The following RASGRF1 variants were observed in gnomAD, a reference collection of about 807,000 sequenced individuals.
RASGRF1 encodes the protein ras-specific guanine nucleotide-releasing factor 1.
A neutral mutation model predicts 138.7 loss-of-function variants in RASGRF1; 40 were observed. That is an observed-to-expected ratio of 0.29 (90% CI 0.22 to 0.38). RASGRF1 has a LOEUF of 0.38. Among genes scored for constraint, RASGRF1 ranks in the 10% least tolerant of loss-of-function variants. The pLI is 1.00. For synonymous variants in RASGRF1, 614 were observed against 663.2 expected (o/e 0.93, Z 1.14); for missense variants, 1,108 against 1,650.4 (o/e 0.67, Z 5.69).
chr15:78,999,994 TAGAGCAGCCTTA>T (rs1339221515), intron 16 of RASGRF1, 81 bp from the exon 17 acceptor site: 1 of 1,472,578 alleles, frequency 6.8e-7, no homozygotes. Flanking sequence ...GTCCCGAGGC[TAGAGCAGCCTTA>T]AGAGCCAGCA....
At chr15:79,045,552 T>C (rs1426407701) in intron 5 of RASGRF1, among the ~76,000 whole-genome samples, 1 of 152,210 alleles carries the variant, frequency 6.6e-6, no homozygotes, top group Non-Finnish European at 1.5e-5. Context: ...AAAGCTATTT[T>C]CCTCCTCCTG....
At chr15:79,003,027 A>G (rs1332141624) in intron 15 of RASGRF1, among the ~76,000 whole-genome samples, 2 of 152,210 alleles carry the variant, frequency 1.3e-5, no homozygotes, top group African/African-American at 4.8e-5. Flanking sequence ...TCAGAACCAG[A>G]CCTGACACTT....
intron 1 of RASGRF1, among the ~76,000 whole-genome samples, chr15:79,087,862 G>A (rs2058003158): frequency 6.6e-6 from 1 of 152,216 alleles, no homozygotes; most frequent in Admixed American, 6.5e-5. Flanking sequence ...TTAAGTATGA[G>A]TCTTTAACAG....
chr15:78,978,999 A>G (rs994971475), intron 24 of RASGRF1: 6 of 1,292,384 alleles, frequency 4.6e-6, no homozygotes, highest in Middle Eastern at 2.2e-4. Context: ...GGGGCCCCAG[A>G]GGCAGTGGAG....
chr15:79,069,259 G>T (rs1369339120), intron 1 of RASGRF1, among the ~76,000 whole-genome samples: 1 of 152,188 alleles, frequency 6.6e-6, no homozygotes, highest in Non-Finnish European at 1.5e-5. Context: ...ATGACATCCT[G>T]ATGAGGCACC....
intron 10 of RASGRF1, 116 bp from the exon 11 acceptor site, chr15:79,020,220 G>A (rs1368788588): frequency 2.2e-6 from 2 of 890,890 alleles, no homozygotes; most frequent in African/African-American, 3.3e-5. Flanking sequence ...TATACACACA[G>A]ATGTATGGAT....
Position 78,999,917 on chromosome 15 carries a change from C to A in RASGRF1, c.2576-4G>T. 2 of 1,613,404 alleles carry A rather than the reference C, an allele frequency of 1.2e-6. No homozygotes were observed. Among genetic ancestry groups the A allele is most frequent in the Non-Finnish European group, 1.7e-6 (2 of 1,179,376 alleles). On this transcript the variant is annotated splice_region_variant and splice_polypyrimidine_tract_variant and intron_variant, in intron 16 of 26. Coordinates refer to ENST00000558480, the MANE Select transcript of RASGRF1 (RefSeq NM_001145648.3). ...TTATAGGAAAAGAGTGGGAACTCTGCAGAGAGGAGGGAACCAACCCTCAGC... is the reference window on the plus strand; with the variant it reads ...TTATAGGAAAAGAGTGGGAACTCTGAAGAGAGGAGGGAACCAACCCTCAGC...
chr15:79,032,455 T>C lies in RASGRF1; in HGVS notation c.959-139A>G. On this transcript the variant is annotated intron_variant, in intron 6 of 26. Coordinates refer to ENST00000558480, the MANE Select transcript of RASGRF1 (RefSeq NM_001145648.3). This position sits in a 1 kb window ranked among gnomAD's most constrained non-coding sequence, Gnocchi z 4.5. ...CCCCACCCCAGAGACATCTCTGCTC[T>C]TGGGGATGACTCCAGTACCACTGCC... 1.3e-6 allele frequency: 1 copy of C among 778,594 alleles called. No individual in the cohort carries two copies. 48.2% of individuals were successfully genotyped at this position (778,594 alleles called of 1,614,324 possible). A position where few individuals can be genotyped will look rare whatever the true frequency, so the allele number is the denominator to read the frequency against.
chr15:78,967,333 G>A (rs1230070628), intron 26 of RASGRF1, among the ~76,000 whole-genome samples: 2 of 152,072 alleles, frequency 1.3e-5, no homozygotes, highest in African/African-American at 2.4e-5. Flanking sequence ...ATCACTTGAG[G>A]CCAGGAGTTC....
intron 1 of RASGRF1, among the ~76,000 whole-genome samples, chr15:79,080,631 G>A (rs1353131284): frequency 1.3e-5 from 2 of 151,870 alleles, no homozygotes; most frequent in Non-Finnish European, 2.9e-5. Context: ...AACTGATTTT[G>A]AAAGGACTTT....
At chr15:78,972,413 T>C (rs757365892) in intron 25 of RASGRF1, among the ~76,000 whole-genome samples, 13 of 151,972 alleles carry the variant, frequency 8.6e-5, no homozygotes, top group Non-Finnish European at 1.5e-4. Context: ...TTTTTCTTTT[T>C]TTTTTTTTAA....
chr15:79,060,213 A>G (rs2057584968), intron 2 of RASGRF1, among the ~76,000 whole-genome samples: 2 of 152,116 alleles, frequency 1.3e-5, no homozygotes, highest in South Asian at 4.1e-4. Flanking sequence ...AGGTGCCTCG[A>G]TTTCCCTTTC....
chr15:79,083,282 G>A (rs956374871), intron 1 of RASGRF1, among the ~76,000 whole-genome samples: 3 of 152,224 alleles, frequency 2.0e-5, no homozygotes, highest in East Asian at 1.9e-4. Context: ...CTCCCTGCAC[G>A]ACAGTCGCCC....
chr15:79,064,999 C>G (rs2057658122), intron 1 of RASGRF1, among the ~76,000 whole-genome samples: 1 of 152,200 alleles, frequency 6.6e-6, no homozygotes, highest in Non-Finnish European at 1.5e-5. Context: ...TGAAAGCCAC[C>G]TCTGTGTTGG....
intron 6 of RASGRF1, among the ~76,000 whole-genome samples, chr15:79,033,499 C>T (rs1042320426): frequency 3.3e-5 from 5 of 152,056 alleles, no homozygotes; most frequent in African/African-American, 1.2e-4. Context: ...GATCTGCCTA[C>T]CCTGGCCTCC....
chr15:79,067,595 G>A (rs1053801760), intron 1 of RASGRF1, among the ~76,000 whole-genome samples: 6 of 152,184 alleles, frequency 3.9e-5, no homozygotes, highest in South Asian at 2.1e-4. Flanking sequence ...CTTTGTGCTC[G>A]TAAACCTGCC....
chr15:79,005,169 T>G (rs2056641769), intron 14 of RASGRF1: 1 of 985,448 alleles, frequency 1.0e-6, no homozygotes, highest in Non-Finnish European at 1.2e-6. Flanking sequence ...AGAGGCAAGA[T>G]GTACCCTGCC....
At chr15:79,015,237 T>C in intron 13 of RASGRF1, 90 bp downstream of exon 13, 1 of 1,293,344 alleles carries the variant, frequency 7.7e-7, no homozygotes, top group Non-Finnish European at 1.1e-6. Flanking sequence ...TGAACCCCAG[T>C]AGCTGGCTCA....
At chr15:79,065,908 T>C (rs1249368512) in intron 1 of RASGRF1, among the ~76,000 whole-genome samples, 1 of 101,342 alleles carries the variant, frequency 9.9e-6, no homozygotes, top group Non-Finnish European at 2.0e-5. Context: ...GTATGTGAAG[T>C]GGGGGGCGGG....
Sources: allele counts gnomAD v4.1 joint callset (sites outside exome capture counted in the v4.1 genomes callset), GRCh38; gene constraint gnomAD v4.1.1; non-coding constraint Gnocchi (gnomAD v3.1); transcripts MANE v1.5; gene names NCBI Gene and HGNC (gene_info 2026-07-23, HGNC 2026-07-21).